Variants in LRP2 observed in about 807,000 individuals in gnomAD.
LRP2 encodes low-density lipoprotein receptor-related protein 2.
LRP2 carries 172 observed loss-of-function variants against 531.0 expected under a neutral mutation model. The ratio of observed to expected loss-of-function variants is 0.32; its 90% CI spans 0.29 to 0.37. The LOEUF is 0.37. Among genes scored for constraint, LRP2 ranks in the 10% least tolerant of loss-of-function variants. The pLI is 1.00. For synonymous variants in LRP2, 1,992 were observed against 2,027.6 expected, an observed-to-expected ratio of 0.98 and a Z score of 0.47; for missense variants, 5,167 against 5,868.3, an observed-to-expected ratio of 0.88 and a Z score of 3.90.
intron 6 of LRP2, among the ~76,000 whole-genome samples, chr2:169,292,940 G>A (rs1229148226): frequency 1.3e-5 from 2 of 151,880 alleles, no homozygotes; most frequent in Admixed American, 6.6e-5. Flanking sequence ...AACATCCAAC[G>A]TTCTCATACT....
At chr2:169,132,848 A>C (rs1374260166) in intron 76 of LRP2, among the ~76,000 whole-genome samples, 167 bp from the exon 77 acceptor site, 2 of 151,792 alleles carry the variant, frequency 1.3e-5, no homozygotes, top group Non-Finnish European at 2.9e-5. Flanking sequence ...ACTAAACATC[A>C]CTCCCACCGC....
intron 35 of LRP2, among the ~76,000 whole-genome samples, chr2:169,215,399 A>C (rs1015688916): frequency 2.0e-5 from 3 of 152,164 alleles, no homozygotes; most frequent in Admixed American, 6.6e-5. Flanking sequence ...AGTGAAGGTG[A>C]AATCCTATTT....
chr2:169,271,161 T>C, intron 15 of LRP2, 54 bp from the exon 16 acceptor site: 1 of 1,243,516 alleles, frequency 8.0e-7, no homozygotes, highest in Non-Finnish European at 1.2e-6. Flanking sequence ...TTTTCTCTCC[T>C]CCCAAATTCC....
Position 169,212,115 on chromosome 2 carries a change from A to T in LRP2, c.6133T>A (p.Cys2045Ser), listed in dbSNP as rs1688615688. The T allele has an allele frequency of 4.3e-6, 7 of 1,613,952 alleles. No homozygotes were observed. The highest frequency in any genetic ancestry group is 3.3e-5 in the Admixed American group (2 of 59,988). The change falls in exon 37 of 79, where the codon TGT becomes AGT. Residue 2045 changes from cysteine (C) to serine (S), a missense_variant. Around this residue, in one of 6 missense-constraint regions of LRP2, gnomAD observed 2,811 missense variants for 3,058.0 expected, o/e 0.92. Coordinates refer to ENST00000649046, the MANE Select transcript of LRP2 (RefSeq NM_004525.3). ...GGATTGAGTTTAAATCCAGTGGCAC[A>T]GGCGCAGGAAAACAATCCTCCTGGT... The part of the protein sequence containing the change: ...PVPGGLFSCA[C>S]ATGFKLNPDN...
intron 8 of LRP2, among the ~76,000 whole-genome samples, chr2:169,290,264 C>CTTTTT (rs11463198): frequency 1.2e-4 from 7 of 56,948 alleles, no homozygotes; most frequent in Non-Finnish European, 1.8e-4. Flanking sequence ...GAACCAGAAG[C>CTTTTT]TTTTTTTTTT....
chr2:169,168,697 A>T, intron 60 of LRP2, 21 bp from the exon 61 acceptor site: 1 of 1,613,756 alleles, frequency 6.2e-7, no homozygotes, highest in Middle Eastern at 1.6e-4. Flanking sequence ...GGAAAAAAAC[A>T]TATTCAAATT....
chr2:169,320,325 C>A (rs1684875113), intron 2 of LRP2, among the ~76,000 whole-genome samples: 1 of 152,168 alleles, frequency 6.6e-6, no homozygotes, highest in Non-Finnish European at 1.5e-5. Context: ...TCTGTGATTT[C>A]TTTATGGTAA....
At chr2:169,233,146 T>A (rs1689473276) in intron 30 of LRP2, among the ~76,000 whole-genome samples, 1 of 152,178 alleles carries the variant, frequency 6.6e-6, no homozygotes. Flanking sequence ...CGGAGACTCA[T>A]GTGAGGGTCA....
At chr2:169,292,766 G>C (rs1156607895) in intron 6 of LRP2, among the ~76,000 whole-genome samples, 2 of 149,968 alleles carry the variant, frequency 1.3e-5, no homozygotes, top group East Asian at 3.9e-4. Context: ...GGGGGTGTGT[G>C]GAGTTGCAGT....
At chr2:169,314,808 C>T (rs1336927872) in intron 3 of LRP2, among the ~76,000 whole-genome samples, 1 of 152,320 alleles carries the variant, frequency 6.6e-6, no homozygotes, top group Non-Finnish European at 1.5e-5. Flanking sequence ...GGCAGAGACA[C>T]AATTTTATCT....
At chr2:169,165,750 AG>A (rs1414135293) in intron 62 of LRP2, among the ~76,000 whole-genome samples, 181 bp downstream of exon 62, 1 of 152,262 alleles carries the variant, frequency 6.6e-6, no homozygotes, top group Non-Finnish European at 1.5e-5. Flanking sequence ...AGGAAGAAAC[AG>A]GCAGGGTTAC....
At chr2:169,148,774 T>A (rs1393917944) in intron 68 of LRP2, among the ~76,000 whole-genome samples, 1 of 152,238 alleles carries the variant, frequency 6.6e-6, no homozygotes, top group Non-Finnish European at 1.5e-5. Flanking sequence ...ACTTCGTTTA[T>A]GCTATTGCCT....
At chr2:169,307,187 C>T (rs971057990) in intron 4 of LRP2, 94 bp downstream of exon 4, 19 of 845,002 alleles carry the variant, frequency 2.2e-5, no homozygotes, top group Non-Finnish European at 3.5e-5. Context: ...ATATTGTAGG[C>T]ATTTATGTCC....
intron 50 of LRP2, among the ~76,000 whole-genome samples, chr2:169,183,673 T>C (rs763922846): frequency 1.3e-5 from 2 of 152,204 alleles, no homozygotes; most frequent in South Asian, 2.1e-4. Context: ...GAACAGATTC[T>C]TCTCAAGAAA....
chr2:169,267,136 C>T (rs766739504), intron 16 of LRP2, among the ~76,000 whole-genome samples: 7 of 151,828 alleles, frequency 4.6e-5, no homozygotes, highest in Middle Eastern at 3.4e-3. Context: ...GCAATCCTCC[C>T]GTCTCGGTTC....
intron 6 of LRP2, among the ~76,000 whole-genome samples, chr2:169,292,821 A>T (rs1684031695): frequency 8.2e-6 from 1 of 122,120 alleles, no homozygotes; most frequent in Admixed American, 9.3e-5. Flanking sequence ...TGACAGAGTG[A>T]GACCCTGTCT....
At chr2:169,289,290 CA>C (rs1206932732) in intron 8 of LRP2, 145 bp from the exon 9 acceptor site, 3 of 1,015,490 alleles carry the variant, frequency 3.0e-6, no homozygotes, top group African/African-American at 1.6e-5. Flanking sequence ...AAGCTTACTG[CA>C]AAACTTTGCA....
intron 29 of LRP2, among the ~76,000 whole-genome samples, chr2:169,233,911 T>C (rs1574161360): frequency 6.6e-6 from 1 of 152,222 alleles, no homozygotes; most frequent in East Asian, 1.9e-4. Context: ...ACCTACTAGT[T>C]AAAAGTTAGA....
chr2:169,160,126 A>G (rs1481155827), intron 63 of LRP2, among the ~76,000 whole-genome samples: 1 of 152,222 alleles, frequency 6.6e-6, no homozygotes, highest in African/African-American at 2.4e-5. Context: ...TACCAGAGAA[A>G]CAGCAAGTCA....
Sources: allele counts gnomAD v4.1 joint callset (sites outside exome capture counted in the v4.1 genomes callset), GRCh38; gene constraint gnomAD v4.1.1; regional missense constraint gnomAD v4.1.1; transcripts MANE v1.5; gene names NCBI Gene and HGNC (gene_info 2026-07-23, HGNC 2026-07-21).